IL18RAP: variants seen among roughly 807,000 people sequenced by gnomAD.
IL18RAP encodes the protein interleukin 18 receptor accessory protein.
IL18RAP carries 37 observed loss-of-function variants against 58.1 expected under a neutral mutation model. The observed-to-expected ratio is 0.64, with a 90% CI of 0.49 to 0.84. IL18RAP has a LOEUF of 0.84. IL18RAP is among the 40% of genes least tolerant of loss of function. The pLI, the probability that IL18RAP is intolerant of heterozygous loss-of-function variation, is 0.00. For synonymous variants in IL18RAP, 268 were observed against 257.5 expected, an observed-to-expected ratio of 1.04 and a Z score of -0.39; for missense variants, 667 against 704.8, an observed-to-expected ratio of 0.95 and a Z score of 0.61.
rs144795828 is a variant in IL18RAP at position 102,443,016 on chromosome 2, G to A, written c.797-184G>A. Among the ~76,000 whole-genome samples, 363 of 152,260 alleles carry A rather than the reference G, an allele frequency of 2.4e-3. 1 individual carries two copies. Among genetic ancestry groups the A allele is most frequent in the African/African-American group, 8.2e-3 (342 of 41,540 alleles). On this transcript the variant is annotated intron_variant, in intron 5 of 9. Coordinates refer to ENST00000687160, the MANE Select transcript of IL18RAP (RefSeq NM_001393487.1). The stretch of plus-strand genomic sequence containing the variant: ...AGAAGGATTGCCCATTAGAAAAAAT[G>A]TACCTGGTTTTATGCATTTCTGAAT...
At chr2:102,433,261 C>T (rs868637237) in intron 3 of IL18RAP, among the ~76,000 whole-genome samples, 2 of 152,142 alleles carry the variant, frequency 1.3e-5, no homozygotes, top group Non-Finnish European at 2.9e-5. Context: ...CTTATTCTGC[C>T]ACCTAGGTTG....
At chr2:102,436,211 G>C (rs1179785053) in intron 3 of IL18RAP, among the ~76,000 whole-genome samples, 2 of 152,214 alleles carry the variant, frequency 1.3e-5, no homozygotes, top group East Asian at 3.9e-4. Context: ...GCTTAGGTGA[G>C]GTCTTAGTTA....
At chr2:102,441,611 G>A (rs908398295) in intron 5 of IL18RAP, among the ~76,000 whole-genome samples, 1 of 152,160 alleles carries the variant, frequency 6.6e-6, no homozygotes, top group African/African-American at 2.4e-5. Flanking sequence ...TTGCAGGCCG[G>A]GCATGGTGGC....
At chr2:102,443,664 G>A (rs988938551) in intron 6 of IL18RAP, among the ~76,000 whole-genome samples, 1 of 152,154 alleles carries the variant, frequency 6.6e-6, no homozygotes, top group Non-Finnish European at 1.5e-5. Flanking sequence ...CACCCGTTCA[G>A]AGAGTGTGGG....
intron 3 of IL18RAP, among the ~76,000 whole-genome samples, chr2:102,428,677 C>T (rs1461344866): frequency 6.6e-6 from 1 of 151,808 alleles, no homozygotes; most frequent in Non-Finnish European, 1.5e-5. Context: ...ACTTGTTTTT[C>T]TACTAAAATG....
rs553051359 is a variant in IL18RAP at position 102,451,134 on chromosome 2, G to A, written c.1384+113G>A. ...AATATAGATCTGGGAGATTACATGA[G>A]GTTAGAACATCTTGGGCAACAACAC... On this transcript the variant is annotated intron_variant, in intron 9 of 9. Coordinates refer to ENST00000687160, the MANE Select transcript of IL18RAP (RefSeq NM_001393487.1). The A allele has an allele frequency of 6.3e-6, 5 of 799,666 alleles. No individual in the cohort carries two copies. The Admixed American group carries it at 1.5e-4, about 25-fold the overall frequency. The allele number at this position is 799,666 out of a possible 1,614,324, so 49.5% of individuals were successfully genotyped here.
rs374565456 is a variant in IL18RAP, at chr2:102,424,232, A to C, written c.397A>C (p.Ser133Arg). Reference sequence around the variant, plus strand: ...CACAGGATCTTGTTAATTTCCTAGGAGCCCCTATGATGTAGCCTGTTGTGT... The same window carrying C: ...CACAGGATCTTGTTAATTTCCTAGGCGCCCCTATGATGTAGCCTGTTGTGT... ...SYICRPKMIK[S>R]PYDVACCVKM... Residue 133 changes from serine to arginine, a missense_variant and splice_region_variant, in exon 3 of 10, where the codon AGC becomes CGC. Transcript: ENST00000687160. The C allele has an allele frequency of 5.6e-6, 9 of 1,613,510 alleles. No homozygotes were observed. The highest frequency in any genetic ancestry group is 5.0e-5 in the Admixed American group (3 of 59,932).
At chr2:102,429,519 T>G (rs1187305928) in intron 3 of IL18RAP, among the ~76,000 whole-genome samples, 3 of 151,940 alleles carry the variant, frequency 2.0e-5, no homozygotes, top group Non-Finnish European at 4.4e-5. Context: ...GTAAACCAAC[T>G]CTTAGTTTTA....
At chr2:102,443,690 A>G (rs1301876566) in intron 6 of IL18RAP, among the ~76,000 whole-genome samples, 1 of 152,218 alleles carries the variant, frequency 6.6e-6, no homozygotes, top group African/African-American at 2.4e-5. Context: ...AGGGATCCAG[A>G]TGTGTGGGGT....
rs1205860022 is a variant in IL18RAP at position 102,452,225 on chromosome 2, A to T, written c.*44A>T. Reference sequence around the variant, plus strand: ...CTCCAGTCCAGTCCCTGGGATAGAGATGTTGCTGGACAGAACTCACAGCTC... The same window carrying T: ...CTCCAGTCCAGTCCCTGGGATAGAGTTGTTGCTGGACAGAACTCACAGCTC... On this transcript the variant is annotated 3_prime_UTR_variant, in exon 10 of 10. Coordinates refer to ENST00000687160, the MANE Select transcript of IL18RAP (RefSeq NM_001393487.1). 1.3e-6 allele frequency: 2 copies of T among 1,515,496 alleles called. No individual in the cohort carries two copies. Among genetic ancestry groups the T allele is most frequent in the South Asian group, 1.3e-5 (1 of 77,166 alleles). 93.9% of individuals were successfully genotyped at this position (1,515,496 alleles called of 1,614,324 possible).
chr2:102,452,030 G>C lies in IL18RAP; in HGVS notation c.1649G>C (p.Arg550Thr). 6.2e-7 allele frequency: 1 copy of C among 1,614,118 alleles called. No homozygotes were observed. The highest frequency in any genetic ancestry group is 1.3e-5 in the African/African-American group (1 of 75,030). ...RGLKSVPPNS[R>T]FWAKMRYHMP... Reference sequence around the variant, plus strand: ...TTAAAATCAGTTCCTCCCAATTCTAGGTTCTGGGCCAAAATGCGCTACCAC... The same window carrying C: ...TTAAAATCAGTTCCTCCCAATTCTACGTTCTGGGCCAAAATGCGCTACCAC... Residue 550 changes from arginine to threonine, a missense_variant, in exon 10 of 10, where the codon AGG (arginine) becomes ACG (threonine). Arg to Thr is a moderately conservative substitution (Grantham distance 71). Coordinates refer to ENST00000687160, the MANE Select transcript of IL18RAP (RefSeq NM_001393487.1).
In IL18RAP at chr2:102,445,246, C is replaced by T. The variant is rs141693630; in HGVS notation, c.978C>T (p.Val326=). ...IIERNIILEK[V]TQRDLRRKFV... The stretch of plus-strand genomic sequence containing the variant: ...AGCGTAATATCATCTTGGAAAAAGT[C>T]ACTCAGCGTGATCTTCGCAGGAAGT... Residue 326 remains valine, a synonymous_variant, in exon 7 of 10, where the codon GTC becomes GTT. Coordinates refer to ENST00000687160, the MANE Select transcript of IL18RAP (RefSeq NM_001393487.1). The T allele has an allele frequency of 4.9e-5, 79 of 1,613,866 alleles. No homozygotes were observed. The highest frequency in any genetic ancestry group is 2.2e-5 in the South Asian group (2 of 91,076).
intron 3 of IL18RAP, among the ~76,000 whole-genome samples, chr2:102,430,233 G>A (rs549749827): frequency 9.2e-5 from 14 of 151,972 alleles, no homozygotes; most frequent in African/African-American, 3.1e-4. Context: ...ATATTTAAGC[G>A]CTCTAATGTT....
chr2:102,429,203 T>C (rs1325379499), intron 3 of IL18RAP, among the ~76,000 whole-genome samples: 1 of 151,898 alleles, frequency 6.6e-6, no homozygotes, highest in East Asian at 1.9e-4. Flanking sequence ...TGATGCTTGA[T>C]TCATAAAATT....
chr2:102,436,046 T>A (rs556332796), intron 3 of IL18RAP, among the ~76,000 whole-genome samples: 2 of 152,226 alleles, frequency 1.3e-5, no homozygotes, highest in South Asian at 2.1e-4. Context: ...TTAGAATGGG[T>A]TTCCCATCAT....
At position 102,451,754 on chromosome 2, in the gene IL18RAP, T is replaced by C; in HGVS notation, c.1385-12T>C. 6.3e-7 allele frequency: 1 copy of C among 1,591,152 alleles called. No homozygotes were observed. Among genetic ancestry groups the C allele is most frequent in the Non-Finnish European group, 8.6e-7 (1 of 1,166,556 alleles). On this transcript the variant is annotated splice_polypyrimidine_tract_variant and intron_variant, in intron 9 of 9. Transcript: ENST00000687160. ...AATATCCATTGCAAATAATCAAATG[T>C]TTTATTTCCAGTGTATGCAGAAGAC...
At chr2:102,439,534 C>T (rs1334677798) in intron 4 of IL18RAP, 1 of 152,330 alleles carries the variant, frequency 6.6e-6, no homozygotes, top group Admixed American at 6.5e-5. Context: ...AAGCTTGACT[C>T]ATGGTTAAAC....
chr2:102,425,157 A>G (rs1383002163), intron 3 of IL18RAP, among the ~76,000 whole-genome samples: 1 of 152,190 alleles, frequency 6.6e-6, no homozygotes, highest in East Asian at 1.9e-4. Context: ...ACTTCCTACA[A>G]TTGCAATAAC....
intron 3 of IL18RAP, among the ~76,000 whole-genome samples, chr2:102,428,681 T>G (rs1682130945): frequency 6.6e-6 from 1 of 152,004 alleles, no homozygotes; most frequent in Non-Finnish European, 1.5e-5. Flanking sequence ...GTTTTTCTAC[T>G]AAAATGCTTT....
Sources: gnomAD v4.1 joint callset for allele counts (sites outside exome capture counted in the v4.1 genomes callset) on GRCh38, gnomAD v4.1.1 for gene constraint, MANE v1.5 for transcripts, NCBI Gene and HGNC (gene_info 2026-07-23, HGNC 2026-07-21) for gene names.